The following PROX1 variants were observed in gnomAD, a reference collection of about 807,000 sequenced individuals.
PROX1 encodes prospero homeobox 1.
In PROX1, 7 loss-of-function variants were observed where a neutral mutation model predicts 58.8. That is an observed-to-expected ratio of 0.12 (90% CI 0.07 to 0.22). The LOEUF (loss-of-function observed/expected upper bound fraction) is 0.22. PROX1 is among the 10% of genes least tolerant of loss of function. The probability of loss-of-function intolerance (pLI) is 1.00; values close to 1 mark genes in which losing one functional copy is unlikely to be tolerated. For synonymous variants in PROX1, 350 were observed against 358.3 expected, an observed-to-expected ratio of 0.98 and a Z score of 0.26; for missense variants, 675 against 927.8, an observed-to-expected ratio of 0.73 and a Z score of 3.54.
chr1:214,025,853 G>A (rs1283864477), intron 4 of PROX1, among the ~76,000 whole-genome samples: 3 of 151,828 alleles, frequency 2.0e-5, no homozygotes, highest in Non-Finnish European at 2.9e-5. Context: ...TAGTAGAGAC[G>A]GGGTTTCACC....
At chr1:214,033,762 G>T (rs1664740754) in intron 4 of PROX1, among the ~76,000 whole-genome samples, 2 of 152,138 alleles carry the variant, frequency 1.3e-5, no homozygotes, top group African/African-American at 4.8e-5. Context: ...ATTATCTTTG[G>T]GGGTGGAGGT....
Position 214,011,589 on chromosome 1 carries a change from G to A in PROX1, c.1902G>A (p.Gln634=), listed in dbSNP as rs150983193. 1.9e-6 allele frequency: 3 copies of A among 1,613,918 alleles called. No individual in the cohort carries two copies. Among genetic ancestry groups the A allele is most frequent in the Non-Finnish European group, 2.5e-6 (3 of 1,179,964 alleles). The change falls in exon 4 of 5, where the codon CAG becomes CAA. Residue 634 remains glutamine (Q), a synonymous_variant. Transcript: ENST00000366958. ...ATTTCCGTGAGTTTTACTACATTCA[G>A]ATGGAGAAGTACGCACGTCAAGCCA... The part of the protein sequence containing the change: ...FSNFREFYYI[Q]MEKYARQAIN...
intron 4 of PROX1, among the ~76,000 whole-genome samples, chr1:214,031,166 C>T (rs1396048602): frequency 6.6e-6 from 1 of 152,090 alleles, no homozygotes; most frequent in Non-Finnish European, 1.5e-5. Context: ...CATGGAAGCC[C>T]AGAAGGCTCT....
chr1:214,016,000 C>T (rs1462171534), intron 4 of PROX1, among the ~76,000 whole-genome samples: 1 of 152,166 alleles, frequency 6.6e-6, no homozygotes, highest in African/African-American at 2.4e-5. Context: ...GAATAGGGAA[C>T]TTGATTCACT....
chr1:213,990,397 T>G (rs1348990597), intron 1 of PROX1, among the ~76,000 whole-genome samples: 1 of 126,550 alleles, frequency 7.9e-6, no homozygotes, highest in East Asian at 2.6e-4. Flanking sequence ...GGAATTGGGC[T>G]GTTGTTCTTT....
intron 4 of PROX1, among the ~76,000 whole-genome samples, chr1:214,012,389 G>A (rs1405828886): frequency 4.6e-5 from 7 of 152,162 alleles, no homozygotes; most frequent in African/African-American, 7.2e-5. Flanking sequence ...TATCTGTGAC[G>A]TGTATATTCT....
At chr1:214,026,860 T>C (rs924491888) in intron 4 of PROX1, among the ~76,000 whole-genome samples, 2 of 152,192 alleles carry the variant, frequency 1.3e-5, no homozygotes, top group African/African-American at 4.8e-5. Context: ...TGCTTTTCCA[T>C]GGAGTTTCCC....
intron 1 of PROX1, 73 bp from the exon 2 acceptor site, chr1:213,996,396 T>C: frequency 1.0e-6 from 1 of 1,002,944 alleles, no homozygotes; most frequent in Non-Finnish European, 1.4e-6. Context: ...TGCATTTGAT[T>C]CAGGATTGAG....
intron 2 of PROX1, among the ~76,000 whole-genome samples, chr1:214,004,204 C>G (rs988537919): frequency 6.6e-6 from 1 of 152,168 alleles, no homozygotes; most frequent in African/African-American, 2.4e-5. Flanking sequence ...CAGATGTGAC[C>G]AGAGCCATCC....
chr1:214,005,087 G>C, intron 2 of PROX1, 78 bp from the exon 3 acceptor site: 1 of 1,132,856 alleles, frequency 8.8e-7, no homozygotes, highest in Non-Finnish European at 1.3e-6. Context: ...CAGACTCTAT[G>C]GAGGTGGGGA....
upstream of PROX1, chr1:213,986,488 T>C (rs1352784651): frequency 2.7e-5 from 4 of 149,630 alleles, no homozygotes; most frequent in African/African-American, 9.8e-5. Context: ...GAGGCTGAAA[T>C]TGTAAATTCC....
In PROX1 at chr1:214,036,180, A is replaced by AT; in HGVS notation, c.*346_*347insT. On this transcript the variant is annotated 3_prime_UTR_variant, in exon 5 of 5. Transcript: ENST00000366958. ...TAACGATGCATCCACTTGATTGATG[A>AT]CTTATTGCAAATGGCGGTTGGCTGA... The AT allele has an allele frequency of 6.0e-6, 1 of 166,822 alleles. No homozygotes were observed. The highest frequency in any genetic ancestry group is 2.4e-5 in the African/African-American group (1 of 42,066). The allele number at this position is 166,822 out of a possible 1,614,324, so 10.3% of individuals were successfully genotyped here.
chr1:214,018,315 G>C (rs1189519445), intron 4 of PROX1, among the ~76,000 whole-genome samples: 1 of 152,166 alleles, frequency 6.6e-6, no homozygotes, highest in African/African-American at 2.4e-5. Flanking sequence ...CAATAATACA[G>C]TTTTTGCTAA....
At chr1:214,025,619 T>C (rs1408589110) in intron 4 of PROX1, among the ~76,000 whole-genome samples, 1 of 151,958 alleles carries the variant, frequency 6.6e-6, no homozygotes, top group Non-Finnish European at 1.5e-5. Flanking sequence ...ACATGAACTC[T>C]CTGAGATTCC....
In PROX1 at chr1:214,040,918, A is replaced by G. The variant is rs1397556939; in HGVS notation, c.*5084A>G. 1 of 152,134 alleles carries G rather than the reference A, an allele frequency of 6.6e-6. No individual in the cohort carries two copies. Among genetic ancestry groups the G allele is most frequent in the African/African-American group, 2.4e-5 (1 of 41,448 alleles). The allele number at this position is 152,134 out of a possible 1,614,324, so 9.4% of individuals were successfully genotyped here. A position where few individuals can be genotyped will look rare whatever the true frequency, so the allele number is the denominator to read the frequency against. ...AGGATGTACTGTAATATTAATTGATATGATAAACACAATGAGACTCCCTGT... is the reference window on the plus strand; with the variant it reads ...AGGATGTACTGTAATATTAATTGATGTGATAAACACAATGAGACTCCCTGT... On this transcript the variant is annotated 3_prime_UTR_variant, in exon 5 of 5. Transcript: ENST00000366958.
In PROX1 at chr1:213,998,118, T is replaced by A. The variant is rs1241792568; in HGVS notation, c.1583T>A (p.Met528Lys). 6.2e-7 allele frequency: 1 copy of A among 1,614,202 alleles called. No homozygotes were observed. Residue 528 changes from methionine to lysine, a missense_variant, in exon 2 of 5, where the codon ATG becomes AAG. Met to Lys is a moderately conservative substitution (Grantham distance 95). Around this residue, in one of 8 missense-constraint regions of PROX1, gnomAD observed 403 missense variants for 477.4 expected, o/e 0.84. Coordinates refer to ENST00000366958, the MANE Select transcript of PROX1 (RefSeq NM_001270616.2). ...TRDTTSLRTK[M>K]SSHHLSHHPC... ...GATACCACGAGTCTGAGGACCAAGA[T>A]GTCATCTCACCACCTGAGCCACCAC...
At position 214,023,927 on chromosome 1, in the gene PROX1, G is replaced by A. The variant is rs1179786575; in HGVS notation, c.2029-11722G>A. 2.6e-5 allele frequency among the ~76,000 whole-genome samples: 4 copies of A among 152,226 alleles called. 1 individual carries two copies. The South Asian group carries it at 6.2e-4, about 24-fold the overall frequency. ...AGAAATGATGGGAAGCTGACCATATGTAGAAGAAGCTGAAAGGTCATGGTT... is the reference window on the plus strand; with the variant it reads ...AGAAATGATGGGAAGCTGACCATATATAGAAGAAGCTGAAAGGTCATGGTT... On this transcript the variant is annotated intron_variant, in intron 4 of 4. Transcript: ENST00000366958.
At chr1:214,008,722 G>A (rs962332595) in intron 3 of PROX1, among the ~76,000 whole-genome samples, 1 of 152,156 alleles carries the variant, frequency 6.6e-6, no homozygotes, top group African/African-American at 2.4e-5. Flanking sequence ...CAGAGATGTT[G>A]GCATGGCGAG....
intron 4 of PROX1, among the ~76,000 whole-genome samples, chr1:214,027,096 G>A (rs368606383): frequency 2.4e-4 from 37 of 152,204 alleles, no homozygotes; most frequent in South Asian, 8.3e-4. Flanking sequence ...CTGCTTTCCC[G>A]TTGCCACTTT....
Sources: allele counts gnomAD v4.1 joint callset (sites outside exome capture counted in the v4.1 genomes callset), GRCh38; gene constraint gnomAD v4.1.1; regional missense constraint gnomAD v4.1.1; transcripts MANE v1.5; gene names NCBI Gene and HGNC (gene_info 2026-07-23, HGNC 2026-07-21).